TMEM117: variants seen among roughly 807,000 people sequenced by gnomAD.
The protein encoded by TMEM117 is transmembrane protein 117.
TMEM117 carries 27 observed loss-of-function variants against 52.4 expected under a neutral mutation model. That is an observed-to-expected ratio of 0.51 (90% CI 0.38 to 0.71). TMEM117 has a LOEUF of 0.71. Among genes scored for constraint, TMEM117 ranks in the 30% least tolerant of loss-of-function variants. TMEM117 has a pLI of 0.00. For missense variants in TMEM117, 556 were observed against 630.5 expected (o/e 0.88, Z 1.26); for synonymous variants, 215 against 206.3 (o/e 1.04, Z -0.36).
chr12:44,029,548 G>A (rs1946599684), intron 3 of TMEM117, among the ~76,000 whole-genome samples: 1 of 152,138 alleles, frequency 6.6e-6, no homozygotes, highest in Admixed American at 6.5e-5. Context: ...GCTGCAATGG[G>A]GGGTCTTTCT....
chr12:44,023,054 A>G (rs1946478330), intron 3 of TMEM117, among the ~76,000 whole-genome samples: 1 of 152,174 alleles, frequency 6.6e-6, no homozygotes, highest in Non-Finnish European at 1.5e-5. Context: ...AGAAAAAAGC[A>G]AAGACTGCCC....
intron 3 of TMEM117, among the ~76,000 whole-genome samples, chr12:44,081,259 T>C (rs923402272): frequency 3.3e-5 from 5 of 152,212 alleles, no homozygotes; most frequent in African/African-American, 1.2e-4. Context: ...TGAAAACTTG[T>C]TTAATTTAGT....
chr12:44,332,556 C>A (rs968828898), intron 6 of TMEM117, among the ~76,000 whole-genome samples: 1 of 151,972 alleles, frequency 6.6e-6, no homozygotes, highest in African/African-American at 2.4e-5. Context: ...TATCTAAATT[C>A]TCAAGCACTG....
intron 2 of TMEM117, among the ~76,000 whole-genome samples, chr12:43,870,328 C>T (rs1328313879): frequency 6.7e-5 from 10 of 150,100 alleles, no homozygotes; most frequent in South Asian, 2.1e-4. Flanking sequence ...GGTGTGATCT[C>T]GGCTAACTGC....
chr12:44,381,382 T>C (rs964328007), intron 7 of TMEM117, among the ~76,000 whole-genome samples: 1 of 152,156 alleles, frequency 6.6e-6, no homozygotes, highest in African/African-American at 2.4e-5. Context: ...GAAAATGCGA[T>C]GTACTAAATC....
At chr12:43,818,690 G>A in the TMEM117 span, among the ~76,000 whole-genome samples, 45 of 152,214 alleles carry the variant, frequency 3.0e-4, no homozygotes, top group African/African-American at 9.1e-4. Flanking sequence ...TGATCCGACC[G>A]CCTTGGCTTC....
At chr12:44,100,844 T>A (rs538260101) in intron 3 of TMEM117, among the ~76,000 whole-genome samples, 1 of 150,418 alleles carries the variant, frequency 6.6e-6, no homozygotes, top group East Asian at 1.9e-4. Context: ...CTTTGCAGCC[T>A]CTGTGCTACT....
At chr12:44,362,785 C>T (rs114220708) in intron 6 of TMEM117, among the ~76,000 whole-genome samples, 1,971 of 151,792 alleles carry the variant, frequency 0.013, 43 homozygotes, top group African/African-American at 0.045. Context: ...TGTGGGCAAA[C>T]ATCTCTACAC....
intron 2 of TMEM117, among the ~76,000 whole-genome samples, chr12:43,890,423 C>T (rs908453100): frequency 2.0e-4 from 31 of 152,082 alleles, no homozygotes; most frequent in African/African-American, 7.2e-4. Flanking sequence ...TTTAGATGTC[C>T]TGTCATTCTA....
chr12:43,964,592 C>A (rs2137672472), intron 3 of TMEM117, among the ~76,000 whole-genome samples: 1 of 152,216 alleles, frequency 6.6e-6, no homozygotes, highest in South Asian at 2.1e-4. Context: ...AAATCTAGTT[C>A]TTTTTCCAAC....
intron 4 of TMEM117, among the ~76,000 whole-genome samples, chr12:44,203,346 C>T (rs2100144641): frequency 6.6e-6 from 1 of 151,916 alleles, no homozygotes; most frequent in African/African-American, 2.4e-5. Context: ...TTAAATCTCT[C>T]TTTTTAACTT....
chr12:44,104,408 A>G (rs1274604016), intron 3 of TMEM117, among the ~76,000 whole-genome samples: 1 of 151,876 alleles, frequency 6.6e-6, no homozygotes. Flanking sequence ...TCAACTGGTA[A>G]TTAGGGTTTT....
At chr12:44,311,797 GTATATA>G (rs1298160714) in intron 6 of TMEM117, among the ~76,000 whole-genome samples, 1 of 22,212 alleles carries the variant, frequency 4.5e-5, no homozygotes, top group Non-Finnish European at 1.5e-4. Context: ...GTATATATAT[GTATATA>G]TGTATATATG....
At chr12:44,346,368 T>A (rs1052759703) in intron 6 of TMEM117, among the ~76,000 whole-genome samples, 2 of 152,128 alleles carry the variant, frequency 1.3e-5, no homozygotes, top group African/African-American at 4.8e-5. Flanking sequence ...ATAAATCAGA[T>A]AAATGTGGTT....
chr12:44,060,785 G>A (rs1295742364), intron 3 of TMEM117, among the ~76,000 whole-genome samples: 1 of 152,166 alleles, frequency 6.6e-6, no homozygotes, highest in Non-Finnish European at 1.5e-5. Flanking sequence ...GAGACAACGA[G>A]GAGGAGGAAC....
intron 3 of TMEM117, among the ~76,000 whole-genome samples, chr12:43,946,793 C>A (rs1451903816): frequency 2.0e-5 from 3 of 152,156 alleles, no homozygotes; most frequent in Non-Finnish European, 4.4e-5. Flanking sequence ...ATGAAAGAAG[C>A]AGGAGATATG....
intron 3 of TMEM117, among the ~76,000 whole-genome samples, chr12:44,077,986 T>A (rs753441688): frequency 3.9e-5 from 6 of 151,946 alleles, no homozygotes; most frequent in Non-Finnish European, 7.4e-5. Flanking sequence ...ATACCAGTAT[T>A]TTTTTTGACA....
chr12:44,101,715 T>G (rs931232514), intron 3 of TMEM117, among the ~76,000 whole-genome samples: 24 of 152,114 alleles, frequency 1.6e-4, no homozygotes, highest in Admixed American at 1.4e-3. Context: ...CGGCTGTCAT[T>G]TTCTGTTTCT....
At chr12:44,289,883 C>T (rs1255982994) in intron 5 of TMEM117, among the ~76,000 whole-genome samples, 1 of 151,992 alleles carries the variant, frequency 6.6e-6, no homozygotes, top group Non-Finnish European at 1.5e-5. Context: ...ACTTGTTATC[C>T]CTTGTCTTTT....
Sources: allele counts gnomAD v4.1 joint callset (sites outside exome capture counted in the v4.1 genomes callset), GRCh38; gene constraint gnomAD v4.1.1; transcripts MANE v1.5; gene names NCBI Gene and HGNC (gene_info 2026-07-23, HGNC 2026-07-21).